Variants in PTPRQ observed in about 807,000 individuals in gnomAD.
PTPRQ encodes phosphatidylinositol phosphatase PTPRQ.
PTPRQ carries 199 observed loss-of-function variants against 246.0 expected under a neutral mutation model. The ratio of observed to expected loss-of-function variants is 0.81; its 90% CI spans 0.72 to 0.91. PTPRQ has a LOEUF of 0.91. Ranked by LOEUF, PTPRQ falls within the 40% of genes least tolerant of loss-of-function variation. The pLI is 0.00. For missense variants in PTPRQ, 2,624 were observed against 2,528.4 expected, an observed-to-expected ratio of 1.04 and a Z score of -0.81; for synonymous variants, 869 against 853.2, an observed-to-expected ratio of 1.02 and a Z score of -0.32.
intron 35 of PTPRQ, among the ~76,000 whole-genome samples, chr12:80,645,154 C>T (rs2121210350): frequency 6.6e-6 from 1 of 152,092 alleles, no homozygotes; most frequent in South Asian, 2.1e-4. Context: ...CAGATTCCAC[C>T]TCTCTTTTTC....
chr12:80,537,703 T>C (rs1450103957), intron 19 of PTPRQ, among the ~76,000 whole-genome samples: 1 of 152,238 alleles, frequency 6.6e-6, no homozygotes, highest in African/African-American at 2.4e-5. Context: ...CATATTGTTC[T>C]TCCTTCAGTT....
chr12:80,445,759 A>C, intron 3 of PTPRQ, 42 bp downstream of exon 3: 1 of 1,320,508 alleles, frequency 7.6e-7, no homozygotes, highest in Non-Finnish European at 1.1e-6. Flanking sequence ...CAAACATTTC[A>C]TTCATTTTAA....
chr12:80,571,005 A>C (rs1314022997), intron 25 of PTPRQ, among the ~76,000 whole-genome samples: 1 of 152,208 alleles, frequency 6.6e-6, no homozygotes, highest in Non-Finnish European at 1.5e-5. Context: ...TATAGTTTGA[A>C]GCCAGGTACC....
At chr12:80,596,456 G>A (rs1301831952) in intron 26 of PTPRQ, among the ~76,000 whole-genome samples, 1 of 151,718 alleles carries the variant, frequency 6.6e-6, no homozygotes, top group Non-Finnish European at 1.5e-5. Context: ...TAGAAAGTCT[G>A]ATTTTCATAA....
Position 80,495,214 on chromosome 12 carries a change from A to G in PTPRQ, c.1725A>G (p.Ile575Met). 6.5e-7 allele frequency: 1 copy of G among 1,538,688 alleles called. No homozygotes were observed. Among genetic ancestry groups the G allele is most frequent in the Non-Finnish European group, 8.7e-7 (1 of 1,142,948 alleles). Residue 575 changes from isoleucine to methionine, a missense_variant, in exon 12 of 45, where the codon ATA (isoleucine) becomes ATG (methionine). Physicochemically the swap from Ile to Met is conservative, Grantham distance 10. Coordinates refer to ENST00000644991, the MANE Select transcript of PTPRQ (RefSeq NM_001145026.2). ...AAGTGCCAAGCTCCATTAAAATTAT[A>G]AACTATAAAAATATTAGTTCTTCAT... ...RQQVPSSIKI[I>M]NYKNISSSSI...
intron 44 of PTPRQ, 94 bp from the exon 45 acceptor site, chr12:80,678,892 C>T: frequency 2.8e-6 from 4 of 1,453,068 alleles, no homozygotes; most frequent in South Asian, 1.6e-5. Context: ...CTAATAATAC[C>T]CTTTCTGTCT....
rs528638622 is a variant in PTPRQ at position 80,468,594 on chromosome 12, T to G, written c.911-116T>G. ...TTTTTTAAGATAAAAAAACTCTGCT[T>G]TTAAGCGCGATATTTTATTTTCCTT... On this transcript the variant is annotated intron_variant, in intron 6 of 44. Coordinates refer to ENST00000644991, the MANE Select transcript of PTPRQ (RefSeq NM_001145026.2). 2.1e-4 allele frequency: 238 copies of G among 1,116,342 alleles called. No individual in the cohort carries two copies. The African/African-American group carries it at 3.5e-3, about 16-fold the overall frequency. The allele number at this position is 1,116,342 out of a possible 1,614,324, so 69.2% of individuals were successfully genotyped here.
chr12:80,586,518 C>T (rs898029140), intron 25 of PTPRQ: 1 of 151,816 alleles, frequency 6.6e-6, no homozygotes, highest in Non-Finnish European at 1.5e-5. Flanking sequence ...ACTGGAAATA[C>T]CATTTGACCC....
chr12:80,522,663 G>A (rs1043673155), intron 17 of PTPRQ, among the ~76,000 whole-genome samples: 1 of 152,144 alleles, frequency 6.6e-6, no homozygotes, highest in African/African-American at 2.4e-5. Context: ...GCTGGATTAT[G>A]TTTATTGATT....
chr12:80,619,450 CA>C lies in PTPRQ; in HGVS notation c.5299del (p.Thr1767GlnfsTer19). 1 of 1,548,350 alleles carries C rather than the reference CA, an allele frequency of 6.5e-7. No individual in the cohort carries two copies. Among genetic ancestry groups the C allele is most frequent in the Non-Finnish European group, 8.7e-7 (1 of 1,144,892 alleles). On this transcript the variant is annotated frameshift_variant, in exon 31 of 45. Transcript: ENST00000644991. LOFTEE classifies it high-confidence loss of function. ...GCCACAGGAAAACTGCTTGTGACTT[CA>C]ACAACAATTACAATCAGAATGCCAA... The part of the protein sequence containing the change: ...YDATGKLLVT[S>X]TTITIRMPIC...
chr12:80,620,994 G>A (rs928903242), intron 32 of PTPRQ, among the ~76,000 whole-genome samples: 1 of 151,474 alleles, frequency 6.6e-6, no homozygotes, highest in Non-Finnish European at 1.5e-5. Context: ...TTTTTGTATT[G>A]TAAGACTACA....
intron 37 of PTPRQ, among the ~76,000 whole-genome samples, chr12:80,651,868 C>G (rs1320863925): frequency 6.6e-6 from 1 of 151,894 alleles, no homozygotes; most frequent in African/African-American, 2.4e-5. Flanking sequence ...TTACACCATT[C>G]CTGTCCCTTA....
intron 17 of PTPRQ, among the ~76,000 whole-genome samples, chr12:80,525,457 T>C (rs1174908352): frequency 6.6e-6 from 1 of 151,702 alleles, no homozygotes; most frequent in Admixed American, 6.6e-5. Flanking sequence ...AAAGTGGGAG[T>C]AGATAAAGCT....
intron 8 of PTPRQ, among the ~76,000 whole-genome samples, chr12:80,478,467 G>A (rs1296704154): frequency 6.6e-6 from 1 of 152,104 alleles, no homozygotes; most frequent in Non-Finnish European, 1.5e-5. Flanking sequence ...CTAAAAAGCA[G>A]AGCGCCTCTC....
intron 36 of PTPRQ, 42 bp downstream of exon 36, chr12:80,648,965 A>G: frequency 6.7e-7 from 1 of 1,488,094 alleles, no homozygotes. Flanking sequence ...TTGAATATCA[A>G]AGTTAGATGC....
At chr12:80,559,952 A>G (rs1896776281) in intron 25 of PTPRQ, among the ~76,000 whole-genome samples, 1 of 152,228 alleles carries the variant, frequency 6.6e-6, no homozygotes, top group African/African-American at 2.4e-5. Flanking sequence ...AACCTTGGGA[A>G]CAAGGTGAAA....
At chr12:80,595,124 G>A (rs1025523897) in intron 26 of PTPRQ, among the ~76,000 whole-genome samples, 1 of 151,778 alleles carries the variant, frequency 6.6e-6, no homozygotes, top group Non-Finnish European at 1.5e-5. Flanking sequence ...CTTTGTTTTC[G>A]CTATGTTTTT....
chr12:80,477,214 A>G (rs1467491586), intron 8 of PTPRQ, among the ~76,000 whole-genome samples: 1 of 151,818 alleles, frequency 6.6e-6, no homozygotes, highest in Non-Finnish European at 1.5e-5. Context: ...TTATTTTTAA[A>G]ATATCAGAAA....
At chr12:80,593,585 A>G (rs1897873923) in intron 26 of PTPRQ, 1 of 152,228 alleles carries the variant, frequency 6.6e-6, no homozygotes. Flanking sequence ...TAATCCGTAT[A>G]ATAGCCATAA....
Sources: gnomAD v4.1 joint callset for allele counts (sites outside exome capture counted in the v4.1 genomes callset) on GRCh38, gnomAD v4.1.1 for gene constraint, MANE v1.5 for transcripts, NCBI Gene and HGNC (gene_info 2026-07-23, HGNC 2026-07-21) for gene names.